The following PLCG2 variants were observed in gnomAD, a reference collection of about 807,000 sequenced individuals.
PLCG2 encodes 1-phosphatidylinositol 4,5-bisphosphate phosphodiesterase gamma-2.
PLCG2 carries 69 observed loss-of-function variants against 175.6 expected under a neutral mutation model. The ratio of observed to expected loss-of-function variants is 0.39; its 90% CI spans 0.32 to 0.48. The LOEUF (loss-of-function observed/expected upper bound fraction) is 0.48. Ranked by LOEUF, PLCG2 falls within the 20% of genes least tolerant of loss-of-function variation. The pLI is 0.91. For synonymous variants in PLCG2, 827 were observed against 624.0 expected (o/e 1.33, Z -4.85); for missense variants, 1,798 against 1,650.9 (o/e 1.09, Z -1.54).
intron 2 of PLCG2, among the ~76,000 whole-genome samples, chr16:81,817,420 G>A (rs1189171004): frequency 3.9e-5 from 6 of 152,220 alleles, no homozygotes; most frequent in Non-Finnish European, 7.3e-5. Context: ...TTTTTGAGAA[G>A]GAGTTTCGCT....
At chr16:81,789,893 G>A (rs1297576203) in intron 2 of PLCG2, among the ~76,000 whole-genome samples, 3 of 148,256 alleles carry the variant, frequency 2.0e-5, no homozygotes, top group Non-Finnish European at 3.0e-5. Context: ...CACTGTAGGC[G>A]CCGCCCTAGG....
chr16:81,757,890 C>T lies in PLCG2; in HGVS notation c.-48+1924C>T, dbSNP rs150950829. 2.0e-5 allele frequency among the ~76,000 whole-genome samples: 3 copies of T among 152,190 alleles called. No homozygotes were observed. In the East Asian group the frequency reaches 5.8e-4, roughly 29 times the overall value. On this transcript the variant is annotated intron_variant, in intron 2 of 5. Coordinates refer to the PLCG2 transcript ENST00000565054. ...GTGGATTTGCCTATTCCGGACATTT[C>T]ATGTACATAGAATCATATAATATGT...
Position 81,870,875 on chromosome 16 carries a change from G to A in PLCG2, c.588G>A (p.Glu196=). 6.2e-7 allele frequency: 1 copy of A among 1,600,238 alleles called. No homozygotes were observed. The highest frequency in any genetic ancestry group is 8.5e-7 in the Non-Finnish European group (1 of 1,173,080). The change falls in exon 7 of 33, where the codon GAG becomes GAA. Residue 196 remains glutamate (E), a synonymous_variant. Coordinates refer to ENST00000564138, the MANE Select transcript of PLCG2 (RefSeq NM_002661.5). The part of the protein sequence containing the change: ...KFVEIGAHKD[E]LSFEQFHLFY... Reference sequence around the variant, plus strand: ...AGGAAATAGGAGCACACAAAGATGAGCTCAGCTTTGAACAGTTCCATCTCT... The same window carrying A: ...AGGAAATAGGAGCACACAAAGATGAACTCAGCTTTGAACAGTTCCATCTCT...
intron 14 of PLCG2, among the ~76,000 whole-genome samples, chr16:81,901,476 G>A (rs1359448340): frequency 6.6e-6 from 1 of 152,194 alleles, no homozygotes; most frequent in Non-Finnish European, 1.5e-5. Flanking sequence ...AGGGACCCGG[G>A]GCCCCCGCAT....
chr16:81,762,247 C>A lies in PLCG2; in HGVS notation c.-48+6281C>A, dbSNP rs141790294. ...TAATGGCAAATGCATACATATGTTG[C>A]TATTATTTTTTTAAAAAGAAACTGT... On this transcript the variant is annotated intron_variant, in intron 2 of 5. Transcript: ENST00000565054. Among the ~76,000 whole-genome samples the A allele has an allele frequency of 4.4e-4, 67 of 152,130 alleles. 3 individuals carry two copies. The East Asian group carries it at 0.013, about 29-fold the overall frequency.
intron 13 of PLCG2, among the ~76,000 whole-genome samples, chr16:81,899,264 ATGTGTGT>A (rs1567522790): frequency 7.6e-6 from 1 of 132,124 alleles, no homozygotes; most frequent in Non-Finnish European, 1.6e-5. Context: ...CAGGAGGAGT[ATGTGTGT>A]ATATATATAT....
rs189720077 is a variant in PLCG2 at position 81,823,086 on chromosome 16, T to C, written c.194-31358T>C. On this transcript the variant is annotated intron_variant, in intron 2 of 32. Coordinates refer to ENST00000564138, the MANE Select transcript of PLCG2 (RefSeq NM_002661.5). ...TGGTGCAGCAGCCGTAGGGCACTTA[T>C]AAAGCAGGCGAGGCCTATGTTGGCT... Among the ~76,000 whole-genome samples the C allele has an allele frequency of 2.2e-3, 338 of 152,374 alleles. 1 individual carries two copies. Among genetic ancestry groups the C allele is most frequent in the Admixed American group, 0.021 (316 of 15,306 alleles).
intron 29 of PLCG2, among the ~76,000 whole-genome samples, chr16:81,939,540 G>A (rs1409906866): frequency 1.3e-5 from 2 of 152,192 alleles, no homozygotes; most frequent in Non-Finnish European, 2.9e-5. Context: ...CCCCCTGCTG[G>A]TGGATGTGGC....
chr16:81,866,533 A>T (rs764930782), intron 5 of PLCG2, among the ~76,000 whole-genome samples: 10 of 71,754 alleles, frequency 1.4e-4, no homozygotes, highest in African/African-American at 2.1e-4. Flanking sequence ...TGCTCCCAGG[A>T]TGAGCTCCAC....
At chr16:81,874,948 G>GT (rs770994063) in intron 7 of PLCG2, among the ~76,000 whole-genome samples, 4,988 of 40,628 alleles carry the variant, frequency 0.12, 755 homozygotes, top group African/African-American at 0.18. Flanking sequence ...TATCCTATGT[G>GT]TTTTTTTTTT....
intron 22 of PLCG2, among the ~76,000 whole-genome samples, chr16:81,926,377 C>G (rs9929503): frequency 0.65 from 99,251 of 152,070 alleles, 32,802 homozygotes; most frequent in East Asian, 0.82. Flanking sequence ...TGAAGGAGGG[C>G]GTTTGCATGT....
At chr16:81,781,411 C>T (rs1910725638) in intron 1 of PLCG2, among the ~76,000 whole-genome samples, 1 of 54,402 alleles carries the variant, frequency 1.8e-5, no homozygotes, top group Non-Finnish European at 3.6e-5. Flanking sequence ...CAGTTGTTTT[C>T]TGTTTTTTTT....
intron 31 of PLCG2, among the ~76,000 whole-genome samples, chr16:81,950,288 A>C (rs1945328208): frequency 6.6e-6 from 1 of 152,222 alleles, no homozygotes; most frequent in Non-Finnish European, 1.5e-5. Context: ...GGAAAAGTTA[A>C]CATCAATCTA....
Position 81,910,702 on chromosome 16 carries a change from A to C in PLCG2, c.1916A>C (p.Asn639Thr), listed in dbSNP as rs377753289. The part of the protein sequence containing the change: ...LRLTDPVPNP[N>T]PHESKPWYYD... The stretch of plus-strand genomic sequence containing the variant: ...CTCACGGACCCTGTGCCCAACCCCA[A>C]CCCCCACGAGTCCAAGCCGTACGTG... Residue 639 changes from asparagine (N) to threonine (T), a missense_variant, in exon 18 of 33, where the codon AAC (asparagine) becomes ACC (threonine). Coordinates refer to ENST00000564138, the MANE Select transcript of PLCG2 (RefSeq NM_002661.5). 1.2e-6 allele frequency: 2 copies of C among 1,608,102 alleles called. No individual in the cohort carries two copies. The highest frequency in any genetic ancestry group is 1.3e-5 in the African/African-American group (1 of 74,560).
intron 25 of PLCG2, among the ~76,000 whole-genome samples, chr16:81,931,968 C>T (rs1008614942): frequency 6.6e-6 from 1 of 152,182 alleles, no homozygotes; most frequent in Non-Finnish European, 1.5e-5. Flanking sequence ...CTGCCTTCCT[C>T]ATTTTGAATA....
intron 2 of PLCG2, among the ~76,000 whole-genome samples, chr16:81,808,367 C>T (rs549288069): frequency 1.6e-3 from 244 of 152,200 alleles, no homozygotes; most frequent in Admixed American, 2.6e-3. Context: ...CCAGGGCACC[C>T]TTTTAGAGAG....
At chr16:81,814,429 A>G (rs1427083906) in intron 2 of PLCG2, among the ~76,000 whole-genome samples, 1 of 152,126 alleles carries the variant, frequency 6.6e-6, no homozygotes, top group African/African-American at 2.4e-5. Flanking sequence ...GCAGTGGCTC[A>G]TGCCTGTAAT....
chr16:81,751,789 C>G (rs536998330), intron 1 of PLCG2, among the ~76,000 whole-genome samples: 7 of 151,972 alleles, frequency 4.6e-5, no homozygotes, highest in Non-Finnish European at 8.8e-5. Flanking sequence ...TGGGAAGTCA[C>G]GGTGGGTGGA....
At chr16:81,931,762 C>G in intron 25 of PLCG2, 108 bp downstream of exon 25, 1 of 896,628 alleles carries the variant, frequency 1.1e-6, no homozygotes, top group Non-Finnish European at 1.7e-6. Flanking sequence ...GGCCCAGGTC[C>G]TACTCAGAAT....
Sources: allele counts gnomAD v4.1 joint callset (sites outside exome capture counted in the v4.1 genomes callset), GRCh38; gene constraint gnomAD v4.1.1; transcripts MANE v1.5; gene names NCBI Gene and HGNC (gene_info 2026-07-23, HGNC 2026-07-21).